INF2: variants seen among roughly 807,000 people sequenced by gnomAD.
INF2 encodes inverted formin 2.
Under a neutral mutation model 123.5 loss-of-function variants are expected in INF2, and 43 were observed. The ratio of observed to expected loss-of-function variants is 0.35; its 90% CI spans 0.27 to 0.45. The LOEUF (loss-of-function observed/expected upper bound fraction) is 0.45. Ranked by LOEUF, INF2 falls within the 20% of genes least tolerant of loss-of-function variation. INF2 has a pLI of 1.00. For synonymous variants in INF2, 851 were observed against 745.0 expected, an observed-to-expected ratio of 1.14 and a Z score of -2.32; for missense variants, 1,453 against 1,682.7, an observed-to-expected ratio of 0.86 and a Z score of 2.39.
At position 104,699,542 on chromosome 14, in the gene INF2, C is replaced by T. The variant is rs1219865239; in HGVS notation, c.-9-1815C>T. 2 of 984,962 alleles carry T rather than the reference C, an allele frequency of 2.0e-6. No individual in the cohort carries two copies. Among genetic ancestry groups the T allele is most frequent in the African/African-American group, 3.5e-5 (2 of 57,112 alleles). The allele number at this position is 984,962 out of a possible 1,614,324, so 61.0% of individuals were successfully genotyped here. Reference sequence around the variant, plus strand: ...AAGCCAGGGGAGCGTGAGGAGCAGCCCAGGACAGGGCCCAGAGTGGGTGGG... The same window carrying T: ...AAGCCAGGGGAGCGTGAGGAGCAGCTCAGGACAGGGCCCAGAGTGGGTGGG... On this transcript the variant is annotated intron_variant, in intron 1 of 22. Transcript: ENST00000392634. This position sits in a 1 kb window ranked among gnomAD's most constrained non-coding sequence, Gnocchi z 4.7.
chr14:104,719,007 C>G lies in INF2; in HGVS notation c.*214C>G. On this transcript the variant is annotated 3_prime_UTR_variant, in exon 23 of 23. Transcript: ENST00000392634. Reference sequence around the variant, plus strand: ...CCAGTGCCCTGCCAGGCCTGGTGCCCTCCTGGACCGCCTGCACGTGCCAGC... The same window carrying G: ...CCAGTGCCCTGCCAGGCCTGGTGCCGTCCTGGACCGCCTGCACGTGCCAGC... The G allele has an allele frequency of 8.3e-7, 1 of 1,202,950 alleles. No homozygotes were observed. Among genetic ancestry groups the G allele is most frequent in the Admixed American group, 3.1e-5 (1 of 32,520 alleles). 74.5% of individuals were successfully genotyped at this position (1,202,950 alleles called of 1,614,324 possible).
chr14:104,697,732 C>T (rs1479970875), intron 1 of INF2, among the ~76,000 whole-genome samples: 1 of 152,244 alleles, frequency 6.6e-6, no homozygotes, highest in Non-Finnish European at 1.5e-5. Context: ...ATGGCCCCGT[C>T]CTCTGGAAGC....
upstream of INF2, among the ~76,000 whole-genome samples, chr14:104,689,054 G>T (rs764060502): frequency 2.0e-5 from 3 of 152,236 alleles, no homozygotes; most frequent in Non-Finnish European, 4.4e-5. Context: ...GCCCAAGACC[G>T]CCGAGACCCC....
chr14:104,685,969 T>TG (rs1888650892), upstream of INF2, among the ~76,000 whole-genome samples: 1 of 103,094 alleles, frequency 9.7e-6, no homozygotes, highest in Admixed American at 1.2e-4. Flanking sequence ...CATGAGTGGA[T>TG]GATGGGTGGG....
intron 22 of INF2, 143 bp downstream of exon 22, chr14:104,715,483 G>A (rs1301322081): frequency 7.4e-6 from 6 of 809,496 alleles, no homozygotes; most frequent in Admixed American, 1.8e-5. Context: ...TGCCGCTCCC[G>A]CAGCCCTGGT....
chr14:104,713,705 T>G (rs1890161642), intron 20 of INF2, 99 bp downstream of exon 20: 4 of 1,365,720 alleles, frequency 2.9e-6, no homozygotes, highest in Non-Finnish European at 4.0e-6. Context: ...AGCCCTCTCC[T>G]CTCCCTGGGC....
Position 104,707,933 on chromosome 14 carries a change from C to A in INF2, c.1666C>A (p.Arg556=). ...CTCAGCATGGGTCCCCAGCCATCGGCGGGTGAACCCACCCACACTGCGCAT... is the reference window on the plus strand; with the variant it reads ...CTCAGCATGGGTCCCCAGCCATCGGAGGGTGAACCCACCCACACTGCGCAT... ...LGSAWVPSHR[R]VNPPTLRMKK... The change falls in exon 8 of 23, where the codon CGG becomes AGG. Residue 556 remains arginine (R), a synonymous_variant. Coordinates refer to ENST00000392634, the MANE Select transcript of INF2 (RefSeq NM_022489.4). 1.9e-6 allele frequency: 3 copies of A among 1,599,822 alleles called. No individual in the cohort carries two copies. The highest frequency in any genetic ancestry group is 1.7e-6 in the Non-Finnish European group (2 of 1,179,624).
Position 104,699,632 on chromosome 14 carries a change from C to G in INF2, c.-9-1725C>G. 1 of 978,294 alleles carries G rather than the reference C, an allele frequency of 1.0e-6. No individual in the cohort carries two copies. The highest frequency in any genetic ancestry group is 1.2e-6 in the Non-Finnish European group (1 of 823,474). The allele number at this position is 978,294 out of a possible 1,614,324, so 60.6% of individuals were successfully genotyped here. ...ACGGCCACTGGGTGACCAAGAGGGC[C>G]GGGCCTGGGAGGGTGGCTTAAAACC... On this transcript the variant is annotated intron_variant, in intron 1 of 22. Transcript: ENST00000392634. This position sits in a 1 kb window ranked among gnomAD's most constrained non-coding sequence, Gnocchi z 4.7.
chr14:104,710,941 G>T lies in INF2; in HGVS notation c.2244G>T (p.Leu748=). ...CAGCCCTGGCTGCCCCTGCAGGCCTGCTCACCAGCCGCCAGCTGCCCATCT... is the reference window on the plus strand; with the variant it reads ...CAGCCCTGGCTGCCCCTGCAGGCCTTCTCACCAGCCGCCAGCTGCCCATCT... ...AQLVLAACES[L]LTSRQLPIFC... Residue 748 remains leucine (L), a synonymous_variant, in exon 14 of 23, where the codon CTG becomes CTT. Transcript: ENST00000392634. The T allele has an allele frequency of 1.9e-6, 3 of 1,612,258 alleles. No homozygotes were observed. The highest frequency in any genetic ancestry group is 2.5e-6 in the Non-Finnish European group (3 of 1,179,680).
At chr14:104,718,654 A>G (rs1243818138) in intron 22 of INF2, 141 bp from the exon 23 acceptor site, 1 of 1,444,076 alleles carries the variant, frequency 6.9e-7, no homozygotes, top group East Asian at 2.5e-5. Flanking sequence ...GCCTGGGGTC[A>G]GAGTGGACCT....
rs2140679527 is a variant in INF2, at chr14:104,710,076, T to G, written c.2139-12T>G. Reference sequence around the variant, plus strand: ...GGTGCAGGCCACTGATCCCTGTCTGTGCCATCCCCAGCTACCAGCTGCGAA... The same window carrying G: ...GGTGCAGGCCACTGATCCCTGTCTGGGCCATCCCCAGCTACCAGCTGCGAA... On this transcript the variant is annotated splice_polypyrimidine_tract_variant and intron_variant, in intron 12 of 22. Coordinates refer to ENST00000392634, the MANE Select transcript of INF2 (RefSeq NM_022489.4). 6.5e-7 allele frequency: 1 copy of G among 1,547,566 alleles called. No individual in the cohort carries two copies. Among genetic ancestry groups the G allele is most frequent in the Non-Finnish European group, 8.7e-7 (1 of 1,145,250 alleles).
intron 22 of INF2, among the ~76,000 whole-genome samples, chr14:104,717,349 G>A (rs562145982): frequency 8.3e-4 from 125 of 150,856 alleles, no homozygotes; most frequent in Admixed American, 7.6e-3. Flanking sequence ...CCCCGGGCAG[G>A]GTGCGCTGCC....
chr14:104,704,281 G>A, intron 5 of INF2: 1 of 921,278 alleles, frequency 1.1e-6, no homozygotes, highest in Non-Finnish European at 1.5e-6. Flanking sequence ...GCCAATAAGA[G>A]GGAACTACAG....
Position 104,721,405 on chromosome 14 carries a change from C to T in INF2, c.*2612C>T, listed in dbSNP as rs1890553694. 1 of 152,780 alleles carries T rather than the reference C, an allele frequency of 6.5e-6. No individual in the cohort carries two copies. The highest frequency in any genetic ancestry group is 1.4e-5 in the Non-Finnish European group (1 of 70,566). The allele number at this position is 152,780 out of a possible 1,614,324, so 9.5% of individuals were successfully genotyped here. On this transcript the variant is annotated 3_prime_UTR_variant, in exon 23 of 23. Transcript: ENST00000392634. ...ATGCTGCTGTGGACGTCTGCGTCGT[C>T]CTCGTGTGGATGCTGCTGTGGACGT... is the stretch of plus-strand genomic sequence containing the variant.
chr14:104,696,658 AC>A (rs141804015), intron 1 of INF2, among the ~76,000 whole-genome samples: 389 of 151,884 alleles, frequency 2.6e-3, no homozygotes, highest in African/African-American at 9.1e-3. Context: ...GCTGCCCAGA[AC>A]CCCGGGGTGC....
intron 1 of INF2, among the ~76,000 whole-genome samples, chr14:104,695,299 C>CA (rs200753322): frequency 0.013 from 1,998 of 152,270 alleles, 32 homozygotes; most frequent in South Asian, 0.042. Context: ...GAAGTACTTC[C>CA]ATGTAGCCGC....
chr14:104,712,788 G>A (rs750482220), intron 17 of INF2, 40 bp from the exon 18 acceptor site: 9 of 1,569,954 alleles, frequency 5.7e-6, no homozygotes, highest in South Asian at 3.5e-5. Flanking sequence ...TGGTGCCCGC[G>A]CGGGGCTCTC....
chr14:104,684,218 C>G lies in INF2; in HGVS notation c.-104+2636C>G. The G allele has an allele frequency of 2.2e-6, 1 of 444,690 alleles. No homozygotes were observed. The highest frequency in any genetic ancestry group is 4.6e-6 in the Non-Finnish European group (1 of 219,488). 27.5% of individuals were successfully genotyped at this position (444,690 alleles called of 1,614,324 possible). On this transcript the variant is annotated intron_variant, in intron 1 of 2. Transcript: ENST00000674723. The surrounding 1 kb of genome is among the most constrained non-coding windows in gnomAD (Gnocchi z 5.0). ...ACTCCCACCAGACAACTGAGGCAAC[C>G]GAGAAGGAGGCTGGGGAGGGACAGC...
At chr14:104,713,407 G>A (rs377220223) in intron 19 of INF2, 38 bp from the exon 20 acceptor site, 5 of 1,596,886 alleles carry the variant, frequency 3.1e-6, no homozygotes, top group Non-Finnish European at 4.3e-6. Flanking sequence ...TGGGCTCCAG[G>A]GTCCCATGCC....
Sources: gnomAD v4.1 joint callset for allele counts (sites outside exome capture counted in the v4.1 genomes callset) on GRCh38, gnomAD v4.1.1 for gene constraint, Gnocchi (gnomAD v3.1) non-coding constraint, MANE v1.5 for transcripts, NCBI Gene and HGNC (gene_info 2026-07-23, HGNC 2026-07-21) for gene names.